Variants in DEFB121 observed in about 807,000 individuals in gnomAD.
DEFB121 encodes the protein beta-defensin 121.
In DEFB121, 5 loss-of-function variants were observed where a neutral mutation model predicts 2.5. The observed-to-expected ratio is 1.96, with a 90% CI of 1.03 to 4.13. The LOEUF (loss-of-function observed/expected upper bound fraction) is 4.13, where lower values mean the gene tolerates loss of function less well. DEFB121 is among the 30% of genes most tolerant of loss of function. The pLI, the probability that DEFB121 is intolerant of heterozygous loss-of-function variation, is 0.00. For synonymous variants in DEFB121, 39 were observed against 32.6 expected, an observed-to-expected ratio of 1.20 and a Z score of -0.67; for missense variants, 87 against 85.0, an observed-to-expected ratio of 1.02 and a Z score of -0.09.
chr20:31,414,633 G>A (rs534654968), upstream of DEFB121, among the ~76,000 whole-genome samples: 4 of 152,322 alleles, frequency 2.6e-5, no homozygotes, highest in South Asian at 8.3e-4. Context: ...CCAGTTATAC[G>A]AAGTGTCTAA....
chr20:31,404,936 G>C lies in DEFB121; in HGVS notation c.208C>G (p.Leu70Val). ...TGTCAGACTGCAGAAGTTGATTCCA[G>C]GCTTGTATTTGTGTCTGTTAATTTT... ...KPKLTDTNTS[L>V]ESTSAV The change falls in exon 2 of 2, where the codon CTG (leucine) becomes GTG (valine). Residue 70 changes from leucine to valine, a missense_variant. Leu to Val is a conservative substitution (Grantham distance 32). Transcript: ENST00000376314. 1 of 1,613,976 alleles carries C rather than the reference G, an allele frequency of 6.2e-7. No individual in the cohort carries two copies. The highest frequency in any genetic ancestry group is 8.5e-7 in the Non-Finnish European group (1 of 1,179,982).
intron 1 of DEFB121, among the ~76,000 whole-genome samples, chr20:31,411,861 C>T (rs1978674864): frequency 6.6e-6 from 1 of 152,244 alleles, no homozygotes; most frequent in African/African-American, 2.4e-5. Flanking sequence ...CTTAATTCAA[C>T]ATCATTCCCC....
chr20:31,415,597 G>A (rs184785328), upstream of DEFB121, among the ~76,000 whole-genome samples: 3 of 152,090 alleles, frequency 2.0e-5, no homozygotes, highest in East Asian at 5.8e-4. Context: ...TGGTCAGGCA[G>A]AATGTCCACA....
chr20:31,416,919 A>G (rs928899606), upstream of DEFB121, among the ~76,000 whole-genome samples: 36 of 152,146 alleles, frequency 2.4e-4, no homozygotes, highest in African/African-American at 8.7e-4. Flanking sequence ...GAGGCCTCTC[A>G]GTATACTCTG....
exon 1 of DEFB121, chr20:31,412,735 G>A: frequency 8.4e-7 from 1 of 1,191,512 alleles, no homozygotes; most frequent in South Asian, 1.3e-5. Context: ...AGGATTGGCA[G>A]TAGCTCAGAG....
chr20:31,406,626 T>C (rs1978490791), upstream of DEFB121, among the ~76,000 whole-genome samples: 1 of 152,122 alleles, frequency 6.6e-6, no homozygotes, highest in African/African-American at 2.4e-5. Flanking sequence ...CAGGGGAAAA[T>C]ACCTTAATAG....
upstream of DEFB121, among the ~76,000 whole-genome samples, chr20:31,410,823 TGA>T (rs72164704): frequency 0.015 from 2,085 of 135,426 alleles, 51 homozygotes; most frequent in Admixed American, 0.066. Flanking sequence ...CCTTGAAAAA[TGA>T]GAGAGAGAGA....
upstream of DEFB121, among the ~76,000 whole-genome samples, chr20:31,414,570 G>A (rs1463094769): frequency 6.6e-6 from 1 of 152,164 alleles, no homozygotes; most frequent in African/African-American, 2.4e-5. Flanking sequence ...AGCCTTGAGG[G>A]CGTTATGCTA....
intron 1 of DEFB121, 119 bp downstream of exon 1, chr20:31,405,975 TA>T: frequency 9.2e-7 from 1 of 1,085,366 alleles, no homozygotes; most frequent in Non-Finnish European, 1.3e-6. Context: ...AGAGACTACC[TA>T]AAGGCCTCAA....
At chr20:31,406,221 G>A, upstream of DEFB121, 27 of 1,603,642 alleles carry the variant, frequency 1.7e-5, no homozygotes, top group South Asian at 3.0e-4. Context: ...ACTCCATTCT[G>A]GGCAGTCCAG....
upstream of DEFB121, chr20:31,406,286 C>T (rs969419797): frequency 9.0e-5 from 130 of 1,447,386 alleles, no homozygotes; most frequent in Middle Eastern, 5.9e-4. Context: ...TGAACCAGAA[C>T]GGGAACAGTC....
Position 31,406,207 on chromosome 20 carries a change from G to T in DEFB121, c.-55C>A. ...GGCTTCTCAACTGGTAAAACAGACAGAGGACTCCATTCTGGGCAGTCCAGA... is the reference window on the plus strand; with the variant it reads ...GGCTTCTCAACTGGTAAAACAGACATAGGACTCCATTCTGGGCAGTCCAGA... On this transcript the variant is annotated 5_prime_UTR_variant, in exon 1 of 2. The change creates a new upstream start codon in the 5' untranslated region. Transcript: ENST00000376314. 2 of 1,611,136 alleles carry T rather than the reference G, an allele frequency of 1.2e-6. No homozygotes were observed. The highest frequency in any genetic ancestry group is 1.7e-6 in the Non-Finnish European group (2 of 1,178,482).
At chr20:31,407,962 G>C (rs1978539870), upstream of DEFB121, among the ~76,000 whole-genome samples, 1 of 152,104 alleles carries the variant, frequency 6.6e-6, no homozygotes, top group Non-Finnish European at 1.5e-5. Flanking sequence ...ATTTTTGGTA[G>C]AGACGAGGTT....
chr20:31,411,470 G>A (rs1022023400), intron 1 of DEFB121, among the ~76,000 whole-genome samples: 1 of 151,852 alleles, frequency 6.6e-6, no homozygotes, highest in Non-Finnish European at 1.5e-5. Context: ...GCTTTTCTTT[G>A]TTGCCACACA....
upstream of DEFB121, among the ~76,000 whole-genome samples, chr20:31,413,187 C>T (rs912388901): frequency 2.0e-5 from 3 of 152,124 alleles, no homozygotes; most frequent in East Asian, 1.9e-4. Flanking sequence ...GACAAAGGTG[C>T]GGGGAGATGA....
intron 1 of DEFB121, chr20:31,412,598 C>T (rs1212951865): frequency 7.7e-7 from 1 of 1,290,336 alleles, no homozygotes. Flanking sequence ...CTGGTAGTTA[C>T]TGTTATTTAC....
Position 31,404,916 on chromosome 20 carries a change from G to T in DEFB121, c.228C>A (p.Val76=). 2 of 1,613,854 alleles carry T rather than the reference G, an allele frequency of 1.2e-6. No individual in the cohort carries two copies. Among genetic ancestry groups the T allele is most frequent in the Non-Finnish European group, 1.7e-6 (2 of 1,179,972 alleles). Residue 76 remains valine (V), a synonymous_variant, in exon 2 of 2, where the codon GTC becomes GTA. Transcript: ENST00000376314. ...ACTCAAGGTTGGAAGAGAGGTGTCA[G>T]ACTGCAGAAGTTGATTCCAGGCTTG... The part of the protein sequence containing the change: ...TNTSLESTSA[V]
At chr20:31,410,102 C>T (rs747068083), upstream of DEFB121, among the ~76,000 whole-genome samples, 10 of 152,002 alleles carry the variant, frequency 6.6e-5, no homozygotes, top group Non-Finnish European at 1.0e-4. Context: ...CAACAGAATC[C>T]GATAAATAAC....
chr20:31,412,856 T>C (rs1978702494), upstream of DEFB121: 5 of 354,106 alleles, frequency 1.4e-5, no homozygotes, highest in Non-Finnish European at 2.8e-5. Flanking sequence ...GTGTCCAGAG[T>C]GTATACGATG....
Sources: gnomAD v4.1 joint callset for allele counts (sites outside exome capture counted in the v4.1 genomes callset) on GRCh38, gnomAD v4.1.1 for gene constraint, MANE v1.5 for transcripts, NCBI Gene and HGNC (gene_info 2026-07-23, HGNC 2026-07-21) for gene names.